FAR1: variants seen among roughly 807,000 people sequenced by gnomAD.
FAR1 encodes the protein fatty acyl-CoA reductase 1.
A neutral mutation model predicts 61.1 loss-of-function variants in FAR1; 22 were observed. The observed-to-expected ratio is 0.36, with a 90% CI of 0.26 to 0.51. FAR1 has a LOEUF of 0.51. Ranked by LOEUF, FAR1 falls within the 20% of genes least tolerant of loss-of-function variation. FAR1 has a pLI of 0.95. For missense variants in FAR1, 359 were observed against 626.9 expected (o/e 0.57, Z 4.56); for synonymous variants, 206 against 209.7 (o/e 0.98, Z 0.15).
chr11:13,710,601 A>G (rs1848487293), intron 4 of FAR1, 92 bp from the exon 5 acceptor site: 2 of 1,063,270 alleles, frequency 1.9e-6, no homozygotes, highest in Admixed American at 5.9e-5. Context: ...TCAGAACAGC[A>G]GATATGTTTG....
At chr11:13,694,262 A>T (rs1392988476) in intron 1 of FAR1, among the ~76,000 whole-genome samples, 1 of 152,192 alleles carries the variant, frequency 6.6e-6, no homozygotes, top group Non-Finnish European at 1.5e-5. Context: ...CGTAGTAGAA[A>T]GGGCTCGGTG....
intron 4 of FAR1, among the ~76,000 whole-genome samples, chr11:13,708,371 A>C (rs1848456948): frequency 6.6e-6 from 1 of 150,810 alleles, no homozygotes; most frequent in African/African-American, 2.4e-5. Context: ...AAAACAAAAA[A>C]CAAAAAAAAA....
chr11:13,702,799 T>C (rs559493401), intron 3 of FAR1, among the ~76,000 whole-genome samples: 2 of 152,284 alleles, frequency 1.3e-5, no homozygotes, highest in South Asian at 4.1e-4. Context: ...GAAACATTGA[T>C]TAGGGTAAAA....
intron 9 of FAR1, among the ~76,000 whole-genome samples, chr11:13,719,551 C>T (rs1415805429): frequency 6.6e-6 from 1 of 152,166 alleles, no homozygotes; most frequent in African/African-American, 2.4e-5. Context: ...AGATAAGCAT[C>T]TGACCTGACA....
At position 13,701,092 on chromosome 11, in the gene FAR1, T is replaced by C. The variant is rs533469656; in HGVS notation, c.365+600T>C. On this transcript the variant is annotated intron_variant, in intron 3 of 11. Transcript: ENST00000354817. ...AAATCTAATGAGTATGCATTTCAAA[T>C]AATGGTTCTGAATTCAGAGCATTCT... Among the ~76,000 whole-genome samples the C allele has an allele frequency of 1.1e-4, 17 of 152,240 alleles. No individual in the cohort carries two copies. In the South Asian group the frequency reaches 3.1e-3, roughly 28 times the overall value.
chr11:13,697,995 C>G lies in FAR1; in HGVS notation c.190-2322C>G, dbSNP rs115415143. Among the ~76,000 whole-genome samples, 1,259 of 152,114 alleles carry G rather than the reference C, an allele frequency of 8.3e-3. 17 individuals carry two copies. Among genetic ancestry groups the G allele is most frequent in the African/African-American group, 0.028 (1,170 of 41,482 alleles). ...TCTTGTGTCCTTATTATTGCTGTTACCTGGATAAACTCTTTTCTACTCCCA... is the reference window on the plus strand; with the variant it reads ...TCTTGTGTCCTTATTATTGCTGTTAGCTGGATAAACTCTTTTCTACTCCCA... On this transcript the variant is annotated intron_variant, in intron 2 of 11. Coordinates refer to ENST00000354817, the MANE Select transcript of FAR1 (RefSeq NM_032228.6).
chr11:13,682,033 C>T (rs978659405), intron 1 of FAR1, among the ~76,000 whole-genome samples: 13 of 152,160 alleles, frequency 8.5e-5, no homozygotes, highest in Non-Finnish European at 1.9e-4. Context: ...CTCATCCCTG[C>T]ATATCTTAAT....
intron 1 of FAR1, among the ~76,000 whole-genome samples, chr11:13,691,527 C>G (rs1848249801): frequency 1.3e-5 from 2 of 152,194 alleles, no homozygotes; most frequent in Non-Finnish European, 2.9e-5. Flanking sequence ...CTATACTCAA[C>G]TATTCCCCTA....
chr11:13,671,234 G>A (rs935675898), intron 1 of FAR1, among the ~76,000 whole-genome samples: 3 of 152,166 alleles, frequency 2.0e-5, no homozygotes, highest in Non-Finnish European at 4.4e-5. Flanking sequence ...ACTAGAAGTT[G>A]GGATGTGGGT....
intron 9 of FAR1, among the ~76,000 whole-genome samples, chr11:13,718,864 C>G (rs1398788215): frequency 1.3e-5 from 2 of 152,010 alleles, no homozygotes; most frequent in Admixed American, 1.3e-4. Flanking sequence ...GGCTGGGCAT[C>G]TCTCTCTCTC....
intron 2 of FAR1, among the ~76,000 whole-genome samples, chr11:13,697,026 C>T (rs1403622242): frequency 6.6e-6 from 1 of 152,222 alleles, no homozygotes; most frequent in African/African-American, 2.4e-5. Context: ...TGGCCTCACT[C>T]ACTCTTGTGA....
intron 10 of FAR1, among the ~76,000 whole-genome samples, chr11:13,725,223 A>G (rs1439765473): frequency 6.6e-6 from 1 of 152,178 alleles, no homozygotes; most frequent in Non-Finnish European, 1.5e-5. Flanking sequence ...TAGGGCATTC[A>G]TATGTTCAGT....
intron 1 of FAR1, among the ~76,000 whole-genome samples, chr11:13,690,207 CT>C (rs1340577904): frequency 6.6e-6 from 1 of 151,886 alleles, no homozygotes. Context: ...CATTTGTATA[CT>C]TTCTTTTCTT....
rs1591275440 is a variant in FAR1 at position 13,729,421 on chromosome 11, A to G, written c.*647A>G. On this transcript the variant is annotated 3_prime_UTR_variant, in exon 12 of 12. Coordinates refer to ENST00000354817, the MANE Select transcript of FAR1 (RefSeq NM_032228.6). ...AAAATCAGAAGGCTATATTATTCTAATGACCCTATTCGATCTAAATGGGTT... is the reference window on the plus strand; with the variant it reads ...AAAATCAGAAGGCTATATTATTCTAGTGACCCTATTCGATCTAAATGGGTT... The G allele has an allele frequency of 6.6e-6, 1 of 151,966 alleles. No individual in the cohort carries two copies. The highest frequency in any genetic ancestry group is 2.4e-5 in the African/African-American group (1 of 41,424). 9.4% of individuals were successfully genotyped at this position (151,966 alleles called of 1,614,324 possible).
In FAR1 at chr11:13,720,561, C is replaced by CCAGT. The variant is rs1251566489; in HGVS notation, c.1128-1169_1128-1168insCAGT. Reference sequence around the variant, plus strand: ...TTTTTTTACATAGTTTATATTGCTTCATTTTCTTCCAGTATTCTGGATTCA... The same window carrying CCAGT: ...TTTTTTTACATAGTTTATATTGCTTCCAGTATTTTCTTCCAGTATTCTGGATTCA... On this transcript the variant is annotated intron_variant, in intron 9 of 11. Transcript: ENST00000354817. The CCAGT allele has an allele frequency of 2.0e-5, 3 of 152,038 alleles. No homozygotes were observed. In the East Asian group the frequency reaches 5.8e-4, roughly 29 times the overall value. 9.4% of individuals were successfully genotyped at this position (152,038 alleles called of 1,614,324 possible). A position where few individuals can be genotyped will look rare whatever the true frequency, so the allele number is the denominator to read the frequency against.
intron 1 of FAR1, among the ~76,000 whole-genome samples, chr11:13,694,093 T>C (rs905634995): frequency 5.9e-5 from 9 of 152,210 alleles, no homozygotes; most frequent in African/African-American, 2.2e-4. Context: ...GCACCTTGTT[T>C]TTATTTTTTC....
chr11:13,716,117 G>A (rs987412367), intron 9 of FAR1, among the ~76,000 whole-genome samples: 34 of 152,114 alleles, frequency 2.2e-4, no homozygotes. Flanking sequence ...TGGCTAAAAT[G>A]CAGATGTAAA....
At chr11:13,692,222 C>T (rs1848257819) in intron 1 of FAR1, among the ~76,000 whole-genome samples, 1 of 152,052 alleles carries the variant, frequency 6.6e-6, no homozygotes, top group South Asian at 2.1e-4. Flanking sequence ...TTCCAGATTT[C>T]ATATGTTCAG....
chr11:13,695,951 T>C (rs969875272), intron 2 of FAR1, among the ~76,000 whole-genome samples: 1 of 152,200 alleles, frequency 6.6e-6, no homozygotes, highest in Admixed American at 6.5e-5. Context: ...TTTTAAATTA[T>C]TCAAATTAGT....
Sources: allele counts gnomAD v4.1 joint callset (sites outside exome capture counted in the v4.1 genomes callset), GRCh38; gene constraint gnomAD v4.1.1; transcripts MANE v1.5; gene names NCBI Gene and HGNC (gene_info 2026-07-23, HGNC 2026-07-21).